TPCN2: variants seen among roughly 807,000 people sequenced by gnomAD.
TPCN2 encodes the protein two pore segment channel 2.
In TPCN2, 92 loss-of-function variants were observed where a neutral mutation model predicts 111.4. The ratio of observed to expected loss-of-function variants is 0.83; its 90% confidence interval spans 0.70 to 0.98. The LOEUF (loss-of-function observed/expected upper bound fraction) is 0.98, where lower values mean the gene tolerates loss of function less well. Ranked by LOEUF, TPCN2 falls within the 50% of genes least tolerant of loss-of-function variation. The probability of loss-of-function intolerance (pLI) is 0.00; values close to 1 mark genes in which losing one functional copy is unlikely to be tolerated. For missense variants in TPCN2, 995 were observed against 980.1 expected (o/e 1.02, Z -0.20); for synonymous variants, 405 against 414.5 (o/e 0.98, Z 0.28).
At chr11:69,068,353 A>G (rs1169081094) in intron 8 of TPCN2, among the ~76,000 whole-genome samples, 75 of 91,126 alleles carry the variant, frequency 8.2e-4, no homozygotes, top group African/African-American at 3.1e-3. Flanking sequence ...TGGGAGCAGG[A>G]CCGTCTGAGT....
chr11:69,081,590 C>T (rs1856014386), intron 18 of TPCN2, 91 bp downstream of exon 18: 1 of 958,526 alleles, frequency 1.0e-6, no homozygotes, highest in South Asian at 1.6e-5. Context: ...CAGGAAGGGC[C>T]CGAGGACTGT....
At chr11:69,085,785 C>T (rs764151286) in intron 21 of TPCN2, 33 bp downstream of exon 21, 109 of 1,611,340 alleles carry the variant, frequency 6.8e-5, no homozygotes, top group African/African-American at 1.2e-4. Context: ...GCACCCTGCT[C>T]CCCGGGCTCC....
chr11:69,087,283 G>A (rs1856325859), intron 24 of TPCN2, 77 bp downstream of exon 24: 16 of 1,309,542 alleles, frequency 1.2e-5, no homozygotes, highest in Middle Eastern at 1.9e-4. Context: ...AGGGGTTGAG[G>A]CGGCGGGCAG....
intron 1 of TPCN2, among the ~76,000 whole-genome samples, chr11:69,050,097 T>A (rs1861153887): frequency 6.6e-6 from 1 of 152,136 alleles, no homozygotes; most frequent in South Asian, 2.1e-4. Context: ...TGCCCATCCA[T>A]GGAGTAATGA....
At chr11:69,065,011 CATGGTGTCTGTATGTCTGTGTGT>C (rs1855206976) in intron 7 of TPCN2, among the ~76,000 whole-genome samples, 1 of 149,342 alleles carries the variant, frequency 6.7e-6, no homozygotes, top group South Asian at 2.1e-4. Flanking sequence ...TGTCTGTGTG[CATGGTGTCTGTATGTCTGTGTGT>C]GCGTGTGGTG....
chr11:69,049,550 C>A (rs1861119862), intron 1 of TPCN2, among the ~76,000 whole-genome samples: 1 of 152,272 alleles, frequency 6.6e-6, no homozygotes, highest in Non-Finnish European at 1.5e-5. Context: ...CAGAGGCTCA[C>A]AGAGAGGCGT....
chr11:69,085,343 G>GGGGGGGT, intron 20 of TPCN2, 57 bp downstream of exon 20: 1 of 581,878 alleles, frequency 1.7e-6, no homozygotes, highest in Non-Finnish European at 3.4e-6. Flanking sequence ...GGGTGGGCGG[G>GGGGGGGT]AAGCCTTGGC....
chr11:69,078,342 A>T, intron 13 of TPCN2, 140 bp from the exon 14 acceptor site: 2 of 1,095,302 alleles, frequency 1.8e-6, no homozygotes, highest in Non-Finnish European at 2.6e-6. Context: ...GTCTGGGATT[A>T]TTTCCTGTGG....
intron 18 of TPCN2, among the ~76,000 whole-genome samples, chr11:69,082,439 G>A (rs1565094619): frequency 6.6e-6 from 1 of 152,276 alleles, no homozygotes; most frequent in South Asian, 2.1e-4. Flanking sequence ...ACGCACGCCC[G>A]CATCACCGTA....
In TPCN2 at chr11:69,049,024, G is replaced by C. The variant is rs1213907599; in HGVS notation, c.27G>C (p.Glu9Asp). Residue 9 changes from glutamate (E) to aspartate (D), a missense_variant, in exon 1 of 25, where the codon GAG becomes GAC. Glu to Asp is a conservative substitution (Grantham distance 45). Transcript: ENST00000294309. MAEPQAESEPLLGGARGGG... is the reference protein window; with the variant it reads MAEPQAESDPLLGGARGGG... ...TGGCGGAACCCCAGGCGGAGTCGGA[G>C]CCCCTGCTGGGCGGGGCCCGCGGCG... is the stretch of plus-strand genomic sequence containing the variant. 3.2e-6 allele frequency: 4 copies of C among 1,240,776 alleles called. No individual in the cohort carries two copies. 76.9% of individuals were successfully genotyped at this position (1,240,776 alleles called of 1,614,324 possible). A position where few individuals can be genotyped will look rare whatever the true frequency, so the allele number is the denominator to read the frequency against.
Position 69,049,251 on chromosome 11 carries a change from A to G in TPCN2, c.109+145A>G. 4 of 485,418 alleles carry G rather than the reference A, an allele frequency of 8.2e-6. No individual in the cohort carries two copies. The East Asian group carries it at 1.4e-4, about 17-fold the overall frequency. The allele number at this position is 485,418 out of a possible 1,614,324, so 30.1% of individuals were successfully genotyped here. On this transcript the variant is annotated intron_variant, in intron 1 of 24. Transcript: ENST00000294309. ...CGGGGCCCGGGCCGCGCCGGGTGCC[A>G]GGCGAGCCGGTGTTCTGAGGGCGAG... is the stretch of plus-strand genomic sequence containing the variant.
intron 18 of TPCN2, among the ~76,000 whole-genome samples, chr11:69,082,527 A>G (rs1160409113): frequency 1.1e-3 from 158 of 146,562 alleles, no homozygotes; most frequent in African/African-American, 3.5e-3. Flanking sequence ...CACACATCGC[A>G]TGCAGATATC....
chr11:69,085,369 C>A, intron 20 of TPCN2, 83 bp downstream of exon 20: 1 of 1,322,376 alleles, frequency 7.6e-7, no homozygotes, highest in Non-Finnish European at 1.1e-6. Flanking sequence ...CCTCAGTGGG[C>A]TCAGCATCTC....
chr11:69,078,955 G>A lies in TPCN2; in HGVS notation c.1474G>A (p.Gly492Ser), dbSNP rs745866825. Residue 492 changes from glycine (G) to serine (S), a missense_variant, in exon 16 of 25, where the codon GGC becomes AGC. Physicochemically the swap from Gly to Ser is moderately conservative, Grantham distance 56. Transcript: ENST00000294309. ...LEMLLKVFAL[G>S]LRGYLSYPSN... ...GATGCTGCTCAAGGTCTTTGCCCTG[G>A]GCCTGCGAGGGTACCTGTCCTACCC... 1 of 1,614,048 alleles carries A rather than the reference G, an allele frequency of 6.2e-7. No individual in the cohort carries two copies. The highest frequency in any genetic ancestry group is 1.7e-5 in the Admixed American group (1 of 60,010).
chr11:69,077,263 C>T (rs867309307), intron 13 of TPCN2, among the ~76,000 whole-genome samples: 321 of 28,026 alleles, frequency 0.011, 11 homozygotes, highest in Middle Eastern at 0.028. Flanking sequence ...GTCCCTCCAC[C>T]TGCCCTCCTG....
At position 69,055,501 on chromosome 11, in the gene TPCN2, A is replaced by G. The variant is rs114020605; in HGVS notation, c.429+149A>G. ...CGGTGAGCAAGGCACACTTTCTTGG[A>G]CAAGCAAGTGCCTGAGGCAGAGGCT... On this transcript the variant is annotated intron_variant, in intron 4 of 24. Transcript: ENST00000294309. 2.6e-3 allele frequency: 2,159 copies of G among 829,482 alleles called. 34 individuals carry two copies. The African/African-American group carries it at 0.034, about 13-fold the overall frequency. The allele number at this position is 829,482 out of a possible 1,614,324, so 51.4% of individuals were successfully genotyped here. A position where few individuals can be genotyped will look rare whatever the true frequency, so the allele number is the denominator to read the frequency against.
rs911960719 is a variant in TPCN2 at position 69,089,257 on chromosome 11, T to G, written c.*1304T>G. ...TCGTGTTGAATAATAACAATAACAA[T>G]AACAATAACAATATGGAAACCACCG... On this transcript the variant is annotated 3_prime_UTR_variant, in exon 25 of 25. Transcript: ENST00000294309. The G allele has an allele frequency of 4.6e-5, 7 of 152,092 alleles. No individual in the cohort carries two copies. The highest frequency in any genetic ancestry group is 1.7e-4 in the African/African-American group (7 of 41,402). The allele number at this position is 152,092 out of a possible 1,614,324, so 9.4% of individuals were successfully genotyped here. A position where few individuals can be genotyped will look rare whatever the true frequency, so the allele number is the denominator to read the frequency against.
intron 24 of TPCN2, 71 bp downstream of exon 24, chr11:69,087,277 G>T: frequency 7.2e-7 from 1 of 1,391,100 alleles, no homozygotes; most frequent in Non-Finnish European, 1.0e-6. Context: ...GGGTGGAGGG[G>T]TTGAGGCGGC....
intron 8 of TPCN2, among the ~76,000 whole-genome samples, chr11:69,069,366 G>A (rs376375605): frequency 2.2e-4 from 6 of 27,142 alleles, no homozygotes; most frequent in Admixed American, 6.3e-4. Flanking sequence ...TGGGAGCAGG[G>A]CCGTCTGAGT....
Sources: allele counts gnomAD v4.1 joint callset (sites outside exome capture counted in the v4.1 genomes callset), GRCh38; gene constraint gnomAD v4.1.1; transcripts MANE v1.5; gene names NCBI Gene and HGNC (gene_info 2026-07-23, HGNC 2026-07-21).